Variants in OR6C74 observed in about 807,000 individuals in gnomAD.
The protein encoded by OR6C74 is olfactory receptor 6C74.
For synonymous variants in OR6C74, 142 were observed against 134.2 expected, an observed-to-expected ratio of 1.06 and a Z score of -0.40; for missense variants, 361 against 362.9, an observed-to-expected ratio of 0.99 and a Z score of 0.04.
At position 55,247,834 on chromosome 12, in the gene OR6C74, C is replaced by T; in HGVS notation, c.547C>T (p.Leu183=). Residue 183 remains leucine (L), a synonymous_variant, in exon 2 of 2, where the codon CTG becomes TTG. Coordinates refer to ENST00000343399, the MANE Select transcript of OR6C74 (RefSeq NM_001005490.2). ...TTTCTTCTGTGATGTTTCTCCTATA[C>T]TGCAGCTCTCTTGCACAGACACTGA... ...DHFFCDVSPI[L]QLSCTDTDII... is the part of the protein sequence containing the mutation. 2 of 1,614,072 alleles carry T rather than the reference C, an allele frequency of 1.2e-6. No individual in the cohort carries two copies. The highest frequency in any genetic ancestry group is 2.2e-5 in the South Asian group (2 of 91,078).
rs563156212 is a variant in OR6C74 at position 55,256,373 on chromosome 12, T to C, written c.*8147T>C. 2.6e-5 allele frequency among the ~76,000 whole-genome samples: 4 copies of C among 152,212 alleles called. No homozygotes were observed. In the South Asian group the frequency reaches 8.3e-4, roughly 32 times the overall value. ...TAAGGCATACTCCCTTCTGATATTTTCCGGTCTAACCGGTTGTCTAGCTTC... is the reference window on the plus strand; with the variant it reads ...TAAGGCATACTCCCTTCTGATATTTCCCGGTCTAACCGGTTGTCTAGCTTC... On this transcript the variant is annotated 3_prime_UTR_variant, in exon 2 of 2. Coordinates refer to ENST00000343399, the MANE Select transcript of OR6C74 (RefSeq NM_001005490.2).
chr12:55,245,886 A>G (rs748514297), intron 1 of OR6C74, among the ~76,000 whole-genome samples: 7 of 152,150 alleles, frequency 4.6e-5, no homozygotes, highest in Non-Finnish European at 5.9e-5. Flanking sequence ...TTTTAGAAAA[A>G]TGATCAACCA....
rs764068127 is a variant in OR6C74, at chr12:55,248,208, A to T, written c.921A>T (p.Glu307Asp). 2 of 1,601,326 alleles carry T rather than the reference A, an allele frequency of 1.2e-6. No individual in the cohort carries two copies. Among genetic ancestry groups the T allele is most frequent in the Admixed American group, 3.4e-5 (2 of 59,322 alleles). ...DVFKHTVKKI[E>D]LFSMK ...TTAAGCACACAGTCAAAAAGATTGA[A>T]CTTTTCTCAATGAAATGAATCACTT... Residue 307 changes from glutamate (E) to aspartate (D), a missense_variant, in exon 2 of 2, where the codon GAA (glutamate) becomes GAT (aspartate). By Grantham distance (45) the Glu-to-Asp change is conservative. Coordinates refer to ENST00000343399, the MANE Select transcript of OR6C74 (RefSeq NM_001005490.2).
rs1954316149 is a variant in OR6C74 at position 55,252,274 on chromosome 12, T to C, written c.*4048T>C. On this transcript the variant is annotated 3_prime_UTR_variant, in exon 2 of 2. Coordinates refer to ENST00000343399, the MANE Select transcript of OR6C74 (RefSeq NM_001005490.2). ...ATTATTGTGTGAAATGAACTGCAAG[T>C]CTTATTACAGTTTATTTTACCTTGT... Among the ~76,000 whole-genome samples the C allele has an allele frequency of 6.6e-6, 1 of 151,886 alleles. No homozygotes were observed. Among genetic ancestry groups the C allele is most frequent in the South Asian group, 2.1e-4 (1 of 4,834 alleles).
rs1045239769 is a variant in OR6C74, at chr12:55,249,373, A to T, written c.*1147A>T. On this transcript the variant is annotated 3_prime_UTR_variant, in exon 2 of 2. Coordinates refer to ENST00000343399, the MANE Select transcript of OR6C74 (RefSeq NM_001005490.2). ...TATTTGTCTATGATTTAGTTTCCAC[A>T]TAAGGTAACTGATAACCTTATGAAT... Among the ~76,000 whole-genome samples the T allele has an allele frequency of 6.6e-6, 1 of 152,284 alleles. No homozygotes were observed. Among genetic ancestry groups the T allele is most frequent in the East Asian group, 1.9e-4 (1 of 5,190 alleles).
rs1336591762 is a variant in OR6C74, at chr12:55,249,266, T to C, written c.*1040T>C. On this transcript the variant is annotated 3_prime_UTR_variant, in exon 2 of 2. Coordinates refer to ENST00000343399, the MANE Select transcript of OR6C74 (RefSeq NM_001005490.2). ...ATCATGTGCAGAGTATTTAAAAACT[T>C]TTCCTTTCAATAGTACCCTATCTCA... 2.0e-5 allele frequency among the ~76,000 whole-genome samples: 3 copies of C among 152,120 alleles called. No individual in the cohort carries two copies. The highest frequency in any genetic ancestry group is 7.2e-5 in the African/African-American group (3 of 41,452).
rs1954332625 is a variant in OR6C74, at chr12:55,254,768, C to A, written c.*6542C>A. ...ATACATCTACTTTGAGAAAGCTCAG[C>A]CTTAAATATAAGCTTCTTTCCAAGT... On this transcript the variant is annotated 3_prime_UTR_variant, in exon 2 of 2. Coordinates refer to ENST00000343399, the MANE Select transcript of OR6C74 (RefSeq NM_001005490.2). 6.6e-6 allele frequency among the ~76,000 whole-genome samples: 1 copy of A among 152,068 alleles called. No homozygotes were observed. Among genetic ancestry groups the A allele is most frequent in the Admixed American group, 6.6e-5 (1 of 15,254 alleles).
Position 55,256,527 on chromosome 12 carries a change from T to C in OR6C74, c.*8301T>C, listed in dbSNP as rs1002901769. 2.4e-4 allele frequency among the ~76,000 whole-genome samples: 37 copies of C among 152,134 alleles called. No individual in the cohort carries two copies. The highest frequency in any genetic ancestry group is 1.5e-4 in the Non-Finnish European group (10 of 67,998). ...TTAAGGCTCTGTTAGAAATTACTGA[T>C]GCACACACTATATTGTAAACTCTTA... On this transcript the variant is annotated 3_prime_UTR_variant, in exon 2 of 2. Coordinates refer to ENST00000343399, the MANE Select transcript of OR6C74 (RefSeq NM_001005490.2).
rs982977661 is a variant in OR6C74, at chr12:55,255,078, A to T, written c.*6852A>T. On this transcript the variant is annotated 3_prime_UTR_variant, in exon 2 of 2. Coordinates refer to ENST00000343399, the MANE Select transcript of OR6C74 (RefSeq NM_001005490.2). Reference sequence around the variant, plus strand: ...GAAATAATACCTCCCTCCAGGGCAGAAGGGAGATTTGCTTCCTGACTAGGA... The same window carrying T: ...GAAATAATACCTCCCTCCAGGGCAGTAGGGAGATTTGCTTCCTGACTAGGA... Among the ~76,000 whole-genome samples, 9 of 152,074 alleles carry T rather than the reference A, an allele frequency of 5.9e-5. No homozygotes were observed. Among genetic ancestry groups the T allele is most frequent in the African/African-American group, 1.9e-4 (8 of 41,412 alleles).
rs886197820 is a variant in OR6C74, at chr12:55,255,750, T to C, written c.*7524T>C. Among the ~76,000 whole-genome samples the C allele has an allele frequency of 3.3e-5, 5 of 152,102 alleles. No individual in the cohort carries two copies. Among genetic ancestry groups the C allele is most frequent in the African/African-American group, 4.8e-5 (2 of 41,418 alleles). ...TCACTCATAAGTGGGAGTTGAACAATGACAGAGAAGAATTTTAAATGCATA... is the reference window on the plus strand; with the variant it reads ...TCACTCATAAGTGGGAGTTGAACAACGACAGAGAAGAATTTTAAATGCATA... On this transcript the variant is annotated 3_prime_UTR_variant, in exon 2 of 2. Transcript: ENST00000343399.
At position 55,248,027 on chromosome 12, in the gene OR6C74, C is replaced by T. The variant is rs79165229; in HGVS notation, c.740C>T (p.Ser247Phe). 0.011 allele frequency: 17,672 copies of T among 1,613,990 alleles called. 290 individuals carry two copies. Among genetic ancestry groups the T allele is most frequent in the South Asian group, 0.05 (4,519 of 91,070 alleles). ...STCSSHMVVVSISYGSCIFMY... is the reference protein window; with the variant it reads ...STCSSHMVVVFISYGSCIFMY... ...TGTTCTTCCCACATGGTGGTCGTGT[C>T]CATTTCTTATGGCAGCTGCATCTTC... The change falls in exon 2 of 2, where the codon TCC (serine) becomes TTC (phenylalanine). Residue 247 changes from serine to phenylalanine, a missense_variant. Ser to Phe is a radical substitution (Grantham distance 155). Transcript: ENST00000343399.
Position 55,247,474 on chromosome 12 carries a change from A to C in OR6C74, c.187A>C (p.Asn63His). ...LKTPMYFFLR[N>H]FSFLEVSFTT... is the part of the protein sequence containing the mutation. Reference sequence around the variant, plus strand: ...GACACCCATGTATTTCTTCCTCCGAAATTTCTCATTTTTAGAAGTCTCATT... The same window carrying C: ...GACACCCATGTATTTCTTCCTCCGACATTTCTCATTTTTAGAAGTCTCATT... The change falls in exon 2 of 2, where the codon AAT (asparagine) becomes CAT (histidine). Residue 63 changes from asparagine (N) to histidine (H), a missense_variant. Coordinates refer to ENST00000343399, the MANE Select transcript of OR6C74 (RefSeq NM_001005490.2). 7 of 1,613,702 alleles carry C rather than the reference A, an allele frequency of 4.3e-6. No individual in the cohort carries two copies. Among genetic ancestry groups the C allele is most frequent in the Non-Finnish European group, 5.1e-6 (6 of 1,179,884 alleles).
chr12:55,254,120 T>C lies in OR6C74; in HGVS notation c.*5894T>C, dbSNP rs1381742009. ...CTATTACATAGCCTCTGACTTTCCA[T>C]GATCCATCATGTCCACTGAAATCAG... On this transcript the variant is annotated 3_prime_UTR_variant, in exon 2 of 2. Coordinates refer to ENST00000343399, the MANE Select transcript of OR6C74 (RefSeq NM_001005490.2). Among the ~76,000 whole-genome samples, 2 of 152,146 alleles carry C rather than the reference T, an allele frequency of 1.3e-5. No individual in the cohort carries two copies. The highest frequency in any genetic ancestry group is 2.4e-5 in the African/African-American group (1 of 41,452).
intron 1 of OR6C74, among the ~76,000 whole-genome samples, chr12:55,245,335 T>TA (rs1379497368): frequency 6.6e-6 from 1 of 152,184 alleles, no homozygotes; most frequent in Non-Finnish European, 1.5e-5. Context: ...TCTGTAATTA[T>TA]AATTGCATAT....
chr12:55,249,742 A>G lies in OR6C74; in HGVS notation c.*1516A>G, dbSNP rs997291321. ...ACTTTCACTATTTGGCTTTCTTTGC[A>G]TCAGGAATTTAAGTTTTTTTTTATT... is the stretch of plus-strand genomic sequence containing the variant. On this transcript the variant is annotated 3_prime_UTR_variant, in exon 2 of 2. Coordinates refer to ENST00000343399, the MANE Select transcript of OR6C74 (RefSeq NM_001005490.2). 3.9e-5 allele frequency among the ~76,000 whole-genome samples: 6 copies of G among 151,910 alleles called. No homozygotes were observed. Among genetic ancestry groups the G allele is most frequent in the African/African-American group, 1.2e-4 (5 of 41,272 alleles).
Position 55,248,684 on chromosome 12 carries a change from G to A in OR6C74, c.*458G>A, listed in dbSNP as rs1047798578. Among the ~76,000 whole-genome samples the A allele has an allele frequency of 6.6e-6, 1 of 151,360 alleles. No individual in the cohort carries two copies. Among genetic ancestry groups the A allele is most frequent in the Non-Finnish European group, 1.5e-5 (1 of 68,004 alleles). On this transcript the variant is annotated 3_prime_UTR_variant, in exon 2 of 2. Transcript: ENST00000343399. Reference sequence around the variant, plus strand: ...TCTTAGTGTTTAGTAGAATCTCGAAGCAAATCAATTTAATGGCATTTCTTT... The same window carrying A: ...TCTTAGTGTTTAGTAGAATCTCGAAACAAATCAATTTAATGGCATTTCTTT...
rs1954337205 is a variant in OR6C74, at chr12:55,255,414, A to G, written c.*7188A>G. Among the ~76,000 whole-genome samples the G allele has an allele frequency of 6.6e-6, 1 of 152,100 alleles. No individual in the cohort carries two copies. Among genetic ancestry groups the G allele is most frequent in the South Asian group, 2.1e-4 (1 of 4,830 alleles). On this transcript the variant is annotated 3_prime_UTR_variant, in exon 2 of 2. Coordinates refer to ENST00000343399, the MANE Select transcript of OR6C74 (RefSeq NM_001005490.2). ...TCCTCAAGGATCTAGAACTAGAAAT[A>G]CCATTTGACCCAGCAATCCCATTAC...
Position 55,253,500 on chromosome 12 carries a change from A to ATG in OR6C74, c.*5278_*5279dup, listed in dbSNP as rs950621791. Reference sequence around the variant, plus strand: ...TGGTTTTCCACTTGGCCCTGAATATATGTGTTTTAACTGTATGCACAGGAC... The same window carrying ATG: ...TGGTTTTCCACTTGGCCCTGAATATATGTGTGTTTTAACTGTATGCACAGGAC... On this transcript the variant is annotated 3_prime_UTR_variant, in exon 2 of 2. Coordinates refer to ENST00000343399, the MANE Select transcript of OR6C74 (RefSeq NM_001005490.2). 6.6e-6 allele frequency among the ~76,000 whole-genome samples: 1 copy of ATG among 152,100 alleles called. No individual in the cohort carries two copies.
intron 1 of OR6C74, 32 bp from the exon 2 acceptor site, chr12:55,247,247 G>A (rs7302063): frequency 0.27 from 352,694 of 1,285,808 alleles, 51,387 homozygotes; most frequent in Middle Eastern, 0.37. Context: ...TTCCTCTTCT[G>A]TTCTAATTTT....
Sources: allele counts gnomAD v4.1 joint callset (sites outside exome capture counted in the v4.1 genomes callset), GRCh38; gene constraint gnomAD v4.1.1; transcripts MANE v1.5; gene names NCBI Gene and HGNC (gene_info 2026-07-23, HGNC 2026-07-21).